Variants in ANO1 observed in about 807,000 individuals in gnomAD.
ANO1 encodes the protein anoctamin 1.
ANO1 carries 59 observed loss-of-function variants against 124.0 expected under a neutral mutation model. That is an observed-to-expected ratio of 0.48 (90% CI 0.39 to 0.59). The LOEUF (loss-of-function observed/expected upper bound fraction) is 0.59. ANO1 is among the 20% of genes least tolerant of loss of function. The pLI is 0.00. For missense variants in ANO1, 1,059 were observed against 1,328.0 expected, an observed-to-expected ratio of 0.80 and a Z score of 3.15; for synonymous variants, 529 against 532.0, an observed-to-expected ratio of 0.99 and a Z score of 0.08.
chr11:69,985,495 G>A (rs1554996758), upstream of ANO1, among the ~76,000 whole-genome samples: 1 of 152,160 alleles, frequency 6.6e-6, no homozygotes, highest in East Asian at 1.9e-4. Flanking sequence ...GGGGGAGGGG[G>A]CCAGGGCGCT....
intron 1 of ANO1, among the ~76,000 whole-genome samples, chr11:70,034,006 A>G (rs549048198): frequency 6.6e-6 from 1 of 151,978 alleles, no homozygotes; most frequent in Non-Finnish European, 1.5e-5. Flanking sequence ...TACATCTGTG[A>G]GTTCCTTGAG....
chr11:70,166,871 C>T (rs779922050), intron 20 of ANO1, among the ~76,000 whole-genome samples: 1 of 152,192 alleles, frequency 6.6e-6, no homozygotes, highest in Non-Finnish European at 1.5e-5. Context: ...GGAGGCCAGG[C>T]GCGGTGGCTC....
chr11:70,045,095 T>A lies in ANO1; in HGVS notation c.59-33447T>A, dbSNP rs142945893. Among the ~76,000 whole-genome samples the A allele has an allele frequency of 1.9e-4, 29 of 152,232 alleles. No homozygotes were observed. In the East Asian group the frequency reaches 5.0e-3, roughly 26 times the overall value. On this transcript the variant is annotated intron_variant, in intron 1 of 27. Transcript: ENST00000531349. ...GATATGAGAAGACAGAAACATAAGA[T>A]AGAAGGCAAGTAAGAAATATAAGGT...
At chr11:70,131,150 G>A (rs1488581824) in intron 10 of ANO1, among the ~76,000 whole-genome samples, 1 of 152,236 alleles carries the variant, frequency 6.6e-6, no homozygotes, top group Non-Finnish European at 1.5e-5. Flanking sequence ...AGGATAGGCT[G>A]CAGAGGCTGC....
At chr11:69,976,507 TAAAA>T in the ANO1 span, among the ~76,000 whole-genome samples, 3 of 74,468 alleles carry the variant, frequency 4.0e-5, no homozygotes, top group African/African-American at 6.7e-5. Context: ...ACTCCGTCTC[TAAAA>T]AAAAAAAAAA....
At chr11:70,128,909 T>A (rs1239304013) in intron 10 of ANO1, among the ~76,000 whole-genome samples, 5 of 152,192 alleles carry the variant, frequency 3.3e-5, no homozygotes, top group East Asian at 3.9e-4. Flanking sequence ...GGCAGGCCGT[T>A]GGTGTACGCC....
intron 1 of ANO1, among the ~76,000 whole-genome samples, chr11:70,046,917 T>C (rs1857268188): frequency 6.6e-6 from 1 of 151,250 alleles, no homozygotes; most frequent in Non-Finnish European, 1.5e-5. Flanking sequence ...CTACTAAAAA[T>C]ACAAAAAATA....
intron 1 of ANO1, chr11:70,064,942 T>TCACACACACAAGCTGC (rs1857681410): frequency 6.6e-6 from 1 of 152,254 alleles, no homozygotes; most frequent in Non-Finnish European, 1.5e-5. Context: ...GCTCAAGCAG[T>TCACACACACAAGCTGC]CACACACACA....
At chr11:70,175,558 C>T (rs753186713) in intron 22 of ANO1, among the ~76,000 whole-genome samples, 18 of 152,194 alleles carry the variant, frequency 1.2e-4, no homozygotes, top group Non-Finnish European at 2.5e-4. Flanking sequence ...CCCAGCCGTG[C>T]GTGGGAATCT....
chr11:70,000,791 C>T (rs1856368798), intron 1 of ANO1, among the ~76,000 whole-genome samples: 2 of 152,128 alleles, frequency 1.3e-5, no homozygotes, highest in African/African-American at 4.8e-5. Flanking sequence ...GGATGACTAT[C>T]CCACGCTCCC....
At position 70,087,930 on chromosome 11, in the gene ANO1, A is replaced by G; in HGVS notation, c.287A>G (p.Lys96Arg). ...SDTPSGARSVKQDHPLPGKGA... is the reference protein window; with the variant it reads ...SDTPSGARSVRQDHPLPGKGA... ...ACCCCCTCTGGGGCTCGCAGCGTCAAGCAGGACCACCCCCTGCCGGGCAAG... is the reference window on the plus strand; with the variant it reads ...ACCCCCTCTGGGGCTCGCAGCGTCAGGCAGGACCACCCCCTGCCGGGCAAG... The change falls in exon 2 of 26, where the codon AAG (lysine) becomes AGG (arginine). Residue 96 changes from lysine to arginine, a missense_variant. Coordinates refer to ENST00000355303, the MANE Select transcript of ANO1 (RefSeq NM_018043.7). 6.2e-7 allele frequency: 1 copy of G among 1,607,644 alleles called. No homozygotes were observed. The highest frequency in any genetic ancestry group is 1.1e-5 in the South Asian group (1 of 89,890).
At chr11:70,060,471 G>A (rs1328680291) in intron 1 of ANO1, among the ~76,000 whole-genome samples, 1 of 152,246 alleles carries the variant, frequency 6.6e-6, no homozygotes, top group Non-Finnish European at 1.5e-5. Context: ...ACACAGTCGT[G>A]TGGTTCAGGA....
chr11:70,075,413 T>C (rs1176981875), upstream of ANO1: 1 of 151,650 alleles, frequency 6.6e-6, no homozygotes, highest in Non-Finnish European at 1.5e-5. Flanking sequence ...ACAGAGAAGA[T>C]TAGTATGGCC....
At chr11:70,052,348 C>A (rs954149623) in intron 1 of ANO1, among the ~76,000 whole-genome samples, 1 of 152,084 alleles carries the variant, frequency 6.6e-6, no homozygotes, top group African/African-American at 2.4e-5. Context: ...TGTCCTCTGA[C>A]TTTTCCCTTG....
chr11:69,972,138 G>T, the ANO1 span, among the ~76,000 whole-genome samples: 1 of 129,400 alleles, frequency 7.7e-6, no homozygotes, highest in Non-Finnish European at 1.5e-5. Context: ...AGTGAGCCAA[G>T]ATCATGCTAC....
Position 70,188,395 on chromosome 11 carries a change from A to C in ANO1, c.*391A>C. 5.5e-6 allele frequency: 1 copy of C among 181,206 alleles called. No homozygotes were observed. Among genetic ancestry groups the C allele is most frequent in the East Asian group, 1.4e-4 (1 of 7,096 alleles). 11.2% of individuals were successfully genotyped at this position (181,206 alleles called of 1,614,324 possible). A position where few individuals can be genotyped will look rare whatever the true frequency, so the allele number is the denominator to read the frequency against. On this transcript the variant is annotated 3_prime_UTR_variant, in exon 26 of 26. Transcript: ENST00000355303. ...TCCTAATTCCTTAAGATAGATGCAA[A>C]ATGGTAAGCCGAGGCATCGCGCAAA... is the stretch of plus-strand genomic sequence containing the variant.
At chr11:70,048,486 G>A (rs1378165201) in intron 1 of ANO1, among the ~76,000 whole-genome samples, 8 of 151,948 alleles carry the variant, frequency 5.3e-5, no homozygotes, top group Non-Finnish European at 8.8e-5. Flanking sequence ...GGGTGGTGTG[G>A]TTTATCGATT....
chr11:70,134,154 C>CGCTGTGTG (rs1216587033), intron 11 of ANO1, among the ~76,000 whole-genome samples: 2 of 152,230 alleles, frequency 1.3e-5, no homozygotes, highest in Non-Finnish European at 2.9e-5. Flanking sequence ...CAGCCCCACC[C>CGCTGTGTG]GCTGTGTGCG....
chr11:70,000,325 G>A lies in ANO1; in HGVS notation c.58+14159G>A. Reference sequence around the variant, plus strand: ...TAGTGAAAGATAGAGATGGGCCGGGGGGGGATGCACACTCCCCACCAATCT... The same window carrying A: ...TAGTGAAAGATAGAGATGGGCCGGGAGGGGATGCACACTCCCCACCAATCT... On this transcript the variant is annotated intron_variant, in intron 1 of 27. Coordinates refer to the ANO1 transcript ENST00000531349. Among the ~76,000 whole-genome samples the A allele has an allele frequency of 1.3e-5, 2 of 152,030 alleles. 1 individual carries two copies.
Sources: allele counts gnomAD v4.1 joint callset (sites outside exome capture counted in the v4.1 genomes callset), GRCh38; gene constraint gnomAD v4.1.1; transcripts MANE v1.5; gene names NCBI Gene and HGNC (gene_info 2026-07-23, HGNC 2026-07-21).